The following CSPG5 variants were observed in gnomAD, a reference collection of about 807,000 sequenced individuals.
The protein encoded by CSPG5 is acidic leucine-rich EGF-like domain-containing brain protein.
Under a neutral mutation model 39.8 loss-of-function variants are expected in CSPG5, and 25 were observed. The ratio of observed to expected loss-of-function variants is 0.63; its 90% CI spans 0.46 to 0.88. The LOEUF is 0.88. Ranked by LOEUF, CSPG5 falls within the 40% of genes least tolerant of loss-of-function variation. The pLI, the probability that CSPG5 is intolerant of heterozygous loss-of-function variation, is 0.00. For synonymous variants in CSPG5, 295 were observed against 303.9 expected, an observed-to-expected ratio of 0.97 and a Z score of 0.31; for missense variants, 627 against 702.2, an observed-to-expected ratio of 0.89 and a Z score of 1.21.
rs1576371888 is a variant in CSPG5, at chr3:47,572,947, A to C, written c.1194-73T>G. The stretch of plus-strand genomic sequence containing the variant: ...GGCCACAGTAAGGGCCTGGGCCCTG[A>C]CCCCAACACCTATCTCCACAGCCTG... On this transcript the variant is annotated intron_variant, in intron 2 of 4. Coordinates refer to ENST00000264723, the MANE Select transcript of CSPG5 (RefSeq NM_006574.4). The surrounding 1 kb of genome is among the most constrained non-coding windows in gnomAD (Gnocchi z 4.5). 1.6e-6 allele frequency: 2 copies of C among 1,284,264 alleles called. No individual in the cohort carries two copies. Among genetic ancestry groups the C allele is most frequent in the Non-Finnish European group, 1.1e-6 (1 of 925,154 alleles). The allele number at this position is 1,284,264 out of a possible 1,614,324, so 79.6% of individuals were successfully genotyped here. A position where few individuals can be genotyped will look rare whatever the true frequency, so the allele number is the denominator to read the frequency against.
rs892371292 is a variant in CSPG5 at position 47,572,270 on chromosome 3, C to T, written c.1382+416G>A. On this transcript the variant is annotated intron_variant, in intron 3 of 4. Transcript: ENST00000264723. This position sits in a 1 kb window ranked among gnomAD's most constrained non-coding sequence, Gnocchi z 4.5. ...ATGTGAAGGAGATGGAGTTCCTCCA[C>T]GCAGAATTATGAATGAAATCTCGCA... 3.3e-5 allele frequency among the ~76,000 whole-genome samples: 5 copies of T among 152,190 alleles called. No individual in the cohort carries two copies. Among genetic ancestry groups the T allele is most frequent in the Non-Finnish European group, 5.9e-5 (4 of 68,036 alleles).
At chr3:47,565,390 C>G (rs2031254466) in intron 4 of CSPG5, among the ~76,000 whole-genome samples, 1 of 152,196 alleles carries the variant, frequency 6.6e-6, no homozygotes, top group South Asian at 2.1e-4. Context: ...AGAACTTGAT[C>G]CTATTAAGCC....
intron 2 of CSPG5, among the ~76,000 whole-genome samples, chr3:47,573,114 G>T (rs1159392287): frequency 1.3e-5 from 2 of 152,236 alleles, no homozygotes; most frequent in Non-Finnish European, 2.9e-5. Context: ...GGTAACCGAG[G>T]TGTAGAGAAA....
Position 47,578,464 on chromosome 3 carries a change from CGCCCGGCCGCGGCCA to C in CSPG5, c.97+118_97+132del. Reference sequence around the variant, plus strand: ...CCACCACCTCCTGGGACCATTCCGCCGCCCGGCCGCGGCCAGGCGGTGCCCCGCCCCCTTGCCACA... The same window carrying C: ...CCACCACCTCCTGGGACCATTCCGCCGGCGGTGCCCCGCCCCCTTGCCACA... On this transcript the variant is annotated intron_variant, in intron 1 of 4. Coordinates refer to ENST00000264723, the MANE Select transcript of CSPG5 (RefSeq NM_006574.4). The surrounding 1 kb of genome is among the most constrained non-coding windows in gnomAD (Gnocchi z 6.0). The C allele has an allele frequency of 4.0e-6, 1 of 251,348 alleles. No homozygotes were observed. The highest frequency in any genetic ancestry group is 7.2e-5 in the East Asian group (1 of 13,810). The allele number at this position is 251,348 out of a possible 1,614,324, so 15.6% of individuals were successfully genotyped here.
rs2108201149 is a variant in CSPG5, at chr3:47,572,455, G to A, written c.1382+231C>T. On this transcript the variant is annotated intron_variant, in intron 3 of 4. Transcript: ENST00000264723. The surrounding 1 kb of genome is among the most constrained non-coding windows in gnomAD (Gnocchi z 4.5). ...AGTGCAGGGTTTTGGGAAAGCTGCT[G>A]GACAGTGGCAGTGTGCCACAGGGGC... 6.6e-6 allele frequency among the ~76,000 whole-genome samples: 1 copy of A among 152,336 alleles called. No homozygotes were observed. The highest frequency in any genetic ancestry group is 2.1e-4 in the South Asian group (1 of 4,824).
At chr3:47,578,924 G>C (rs2031895971), upstream of CSPG5, 1 of 150,384 alleles carries the variant, frequency 6.6e-6, no homozygotes, top group South Asian at 1.8e-4. This position sits in a 1 kb window ranked among gnomAD's most constrained non-coding sequence, Gnocchi z 6.0. Flanking sequence ...CACCCCGCCC[G>C]CCGCGCCGGC....
intron 4 of CSPG5, among the ~76,000 whole-genome samples, chr3:47,563,018 A>G (rs1374039450): frequency 1.3e-5 from 2 of 152,220 alleles, no homozygotes; most frequent in Non-Finnish European, 1.5e-5. Context: ...TGCCATGTCC[A>G]AGGTTTTCTC....
chr3:47,577,407 T>C lies in CSPG5; in HGVS notation c.619A>G (p.Ile207Val), dbSNP rs761681042. The C allele has an allele frequency of 1.2e-6, 2 of 1,614,162 alleles. No individual in the cohort carries two copies. The highest frequency in any genetic ancestry group is 1.7e-6 in the Non-Finnish European group (2 of 1,180,022). ...GTLEPQPASD[I>V]IDIDYFEGLD... ...CCTTCGAAGTAGTCGATGTCAATGA[T>C]ATCTGATGCCGGTTGGGGCTCCAGG... is the stretch of plus-strand genomic sequence containing the variant. The change falls in exon 2 of 5, where the codon ATC (isoleucine) becomes GTC (valine). Residue 207 changes from isoleucine (I) to valine (V), a missense_variant. Ile to Val is a conservative substitution (Grantham distance 29). Coordinates refer to ENST00000264723, the MANE Select transcript of CSPG5 (RefSeq NM_006574.4). The surrounding 1 kb of genome is among the most constrained non-coding windows in gnomAD (Gnocchi z 4.7).
chr3:47,567,705 AT>A (rs1270066912), intron 4 of CSPG5, among the ~76,000 whole-genome samples: 1 of 152,054 alleles, frequency 6.6e-6, no homozygotes, highest in Non-Finnish European at 1.5e-5. Context: ...TGGGGCTGCA[AT>A]TTCCCCATCT....
chr3:47,576,690 C>G, intron 2 of CSPG5, 143 bp downstream of exon 2: 1 of 939,368 alleles, frequency 1.1e-6, no homozygotes, highest in Non-Finnish European at 1.6e-6. Flanking sequence ...GAACTCCTGA[C>G]CTTAGGAGAT....
At chr3:47,569,053 G>A in intron 4 of CSPG5, 99 bp downstream of exon 4, 2 of 1,477,492 alleles carry the variant, frequency 1.4e-6, no homozygotes, top group South Asian at 1.4e-5. Context: ...GAGGAGAGAT[G>A]TGAAGAAAAC....
chr3:47,562,555 CTA>C lies in CSPG5; in HGVS notation c.*43_*44del. On this transcript the variant is annotated 3_prime_UTR_variant, in exon 5 of 5. Coordinates refer to ENST00000264723, the MANE Select transcript of CSPG5 (RefSeq NM_006574.4). ...ACAAGAGGAGATAATGTTTCTTCCC[CTA>C]CCCCCCACCCACTACCCCCGCTTCC... 4 of 1,541,758 alleles carry C rather than the reference CTA, an allele frequency of 2.6e-6. No homozygotes were observed. The highest frequency in any genetic ancestry group is 1.8e-6 in the Non-Finnish European group (2 of 1,122,578).
At position 47,578,107 on chromosome 3, in the gene CSPG5, A is replaced by G; in HGVS notation, c.98-179T>C. The G allele has an allele frequency of 1.0e-6, 1 of 970,978 alleles. No homozygotes were observed. The allele number at this position is 970,978 out of a possible 1,614,324, so 60.1% of individuals were successfully genotyped here. On this transcript the variant is annotated intron_variant, in intron 1 of 4. Transcript: ENST00000264723. This position sits in a 1 kb window ranked among gnomAD's most constrained non-coding sequence, Gnocchi z 6.0. ...CCGGTACCTCTAAGCCCCGTCCCGG[A>G]GTCTGCCCCCAAGACGAGGATCACA...
intron 4 of CSPG5, among the ~76,000 whole-genome samples, chr3:47,565,650 A>C (rs2031266094): frequency 6.6e-6 from 1 of 151,280 alleles, no homozygotes; most frequent in Non-Finnish European, 1.5e-5. Flanking sequence ...ATGCAAGAGA[A>C]GAGTCTGGAG....
At chr3:47,566,126 G>C (rs1426014535) in intron 4 of CSPG5, among the ~76,000 whole-genome samples, 2 of 152,262 alleles carry the variant, frequency 1.3e-5, no homozygotes, top group Non-Finnish European at 2.9e-5. Flanking sequence ...TTTTCAGAGT[G>C]TGGCTGGTAG....
Position 47,578,249 on chromosome 3 carries a change from T to C in CSPG5, c.98-321A>G. ...AAGTCTCACCCTCGGGAACCCACCC[T>C]GAGCCGCGTCCACTGGCTCCCGCCC... On this transcript the variant is annotated intron_variant, in intron 1 of 4. Coordinates refer to ENST00000264723, the MANE Select transcript of CSPG5 (RefSeq NM_006574.4). The surrounding 1 kb of genome is among the most constrained non-coding windows in gnomAD (Gnocchi z 6.0). 1 of 277,986 alleles carries C rather than the reference T, an allele frequency of 3.6e-6. No homozygotes were observed. The highest frequency in any genetic ancestry group is 6.3e-5 in the East Asian group (1 of 15,818). 17.2% of individuals were successfully genotyped at this position (277,986 alleles called of 1,614,324 possible).
In CSPG5 at chr3:47,577,994, C is replaced by T. The variant is rs747096349; in HGVS notation, c.98-66G>A. ...CGCTGAGGAGCCCTGGAGCCCCGGC[C>T]CGCCCCGGTCAGGCCCGCTCGCCTA... On this transcript the variant is annotated intron_variant, in intron 1 of 4. Transcript: ENST00000264723. This position sits in a 1 kb window ranked among gnomAD's most constrained non-coding sequence, Gnocchi z 4.7. 1.5e-5 allele frequency: 20 copies of T among 1,363,348 alleles called. No homozygotes were observed. Among genetic ancestry groups the T allele is most frequent in the Non-Finnish European group, 1.7e-5 (18 of 1,066,906 alleles). 84.5% of individuals were successfully genotyped at this position (1,363,348 alleles called of 1,614,324 possible). A position where few individuals can be genotyped will look rare whatever the true frequency, so the allele number is the denominator to read the frequency against.
rs1296649604 is a variant in CSPG5 at position 47,578,574 on chromosome 3, G to A, written c.97+23C>T. ...TGGGTGGGGCACGAGGGCCGCGGGG[G>A]TCCCGGGCGCAGTCATACCTACCCG... On this transcript the variant is annotated intron_variant, in intron 1 of 4. Coordinates refer to ENST00000264723, the MANE Select transcript of CSPG5 (RefSeq NM_006574.4). The surrounding 1 kb of genome is among the most constrained non-coding windows in gnomAD (Gnocchi z 6.0). 5.1e-6 allele frequency: 5 copies of A among 983,928 alleles called. No homozygotes were observed. In the Admixed American group the frequency reaches 1.5e-4, roughly 29 times the overall value. 60.9% of individuals were successfully genotyped at this position (983,928 alleles called of 1,614,324 possible). A position where few individuals can be genotyped will look rare whatever the true frequency, so the allele number is the denominator to read the frequency against.
Position 47,577,065 on chromosome 3 carries a change from G to C in CSPG5, c.961C>G (p.His321Asp). The change falls in exon 2 of 5, where the codon CAT becomes GAT. Residue 321 changes from histidine (H) to aspartate (D), a missense_variant. Coordinates refer to ENST00000264723, the MANE Select transcript of CSPG5 (RefSeq NM_006574.4). This position sits in a 1 kb window ranked among gnomAD's most constrained non-coding sequence, Gnocchi z 4.7. ...AGAGTGTGCTGTGGAGGGACAGCAT[G>C]CCACCGACTGGTGGGCTGGCCTGTC... ...PGTGQPTSRW[H>D]AVPPQHTLGS... 1 of 1,613,620 alleles carries C rather than the reference G, an allele frequency of 6.2e-7. No individual in the cohort carries two copies.
Sources: allele counts gnomAD v4.1 joint callset (sites outside exome capture counted in the v4.1 genomes callset), GRCh38; gene constraint gnomAD v4.1.1; non-coding constraint Gnocchi (gnomAD v3.1); transcripts MANE v1.5; gene names NCBI Gene and HGNC (gene_info 2026-07-23, HGNC 2026-07-21).